DDX5: variants seen among roughly 807,000 people sequenced by gnomAD.
The protein encoded by DDX5 is probable ATP-dependent RNA helicase DDX5.
A neutral mutation model predicts 68.6 loss-of-function variants in DDX5; 6 were observed. That is an observed-to-expected ratio of 0.09 (90% CI 0.05 to 0.17). The LOEUF (loss-of-function observed/expected upper bound fraction) is 0.17. Among genes scored for constraint, DDX5 ranks in the 10% least tolerant of loss-of-function variants. DDX5 has a pLI of 1.00. For missense variants in DDX5, 499 were observed against 756.1 expected (o/e 0.66, Z 3.99); for synonymous variants, 350 against 247.0 (o/e 1.42, Z -3.91).
chr17:64,501,560 C>T (rs1225535206), intron 11 of DDX5: 1 of 168,912 alleles, frequency 5.9e-6, no homozygotes, highest in Non-Finnish European at 1.3e-5. Flanking sequence ...AAGTTTGGAA[C>T]TACTTCTTCG....
rs782568786 is a variant in DDX5 at position 64,506,109 on chromosome 17, T to A, written c.11A>T (p.Tyr4Phe). 1.2e-5 allele frequency: 19 copies of A among 1,522,912 alleles called. No homozygotes were observed. The highest frequency in any genetic ancestry group is 1.6e-5 in the Non-Finnish European group (18 of 1,127,182). 94.3% of individuals were successfully genotyped at this position (1,522,912 alleles called of 1,614,324 possible). MSGYSSDRDRGRDR... is the reference protein window; with the variant it reads MSGFSSDRDRGRDR... ...CCGGCCGCGGTCTCGGTCACTCGAA[T>A]AACCCGACATGGCGTCAATGGTTGC... is the stretch of plus-strand genomic sequence containing the variant. The change falls in exon 1 of 13, where the codon TAT becomes TTT. Residue 4 changes from tyrosine to phenylalanine, a missense_variant. Physicochemically the swap from Tyr to Phe is conservative, Grantham distance 22 (BLOSUM62 3). Around this residue, in one of 5 missense-constraint regions of DDX5, gnomAD observed 140 missense variants for 135.7 expected, o/e 1.03. Transcript: ENST00000225792.
Position 64,500,366 on chromosome 17 carries a change from T to C in DDX5, c.1442-40A>G, listed in dbSNP as rs201436882. On this transcript the variant is annotated intron_variant, in intron 12 of 12. Transcript: ENST00000225792. ...ATTGCAAATTGATCAATTATGTCTA[T>C]GACACAAATCATTGTGGACAGAAAG... 7.0e-6 allele frequency: 11 copies of C among 1,574,426 alleles called. No individual in the cohort carries two copies. The East Asian group carries it at 1.3e-4, about 19-fold the overall frequency.
At chr17:64,501,918 A>C in intron 11 of DDX5, 92 bp downstream of exon 11, 1 of 1,338,252 alleles carries the variant, frequency 7.5e-7, no homozygotes, top group Non-Finnish European at 1.1e-6. Context: ...ACTTAGAAAA[A>C]ATGCAGGTTA....
rs1195092285 is a variant in DDX5 at position 64,504,530 on chromosome 17, CAA to C, written c.210+145_210+146del. 5.5e-6 allele frequency: 6 copies of C among 1,098,128 alleles called. No individual in the cohort carries two copies. In the East Asian group the frequency reaches 7.6e-5, roughly 14 times the overall value. 68.0% of individuals were successfully genotyped at this position (1,098,128 alleles called of 1,614,324 possible). On this transcript the variant is annotated intron_variant, in intron 2 of 12. Coordinates refer to ENST00000225792, the MANE Select transcript of DDX5 (RefSeq NM_004396.5). ...TAAAAATCCCAAAGCCACCTATATC[CAA>C]AAGTGAGTCACACCTTTCCCAATTA...
chr17:64,505,010 A>T, intron 1 of DDX5, 168 bp from the exon 2 acceptor site: 1 of 583,798 alleles, frequency 1.7e-6, no homozygotes, highest in South Asian at 2.7e-5. Context: ...AGCCACAGTT[A>T]ACATTTCCCG....
chr17:64,502,864 G>A (rs2038334669), intron 8 of DDX5, 62 bp downstream of exon 8: 3 of 1,452,224 alleles, frequency 2.1e-6, no homozygotes, highest in Non-Finnish European at 1.8e-6. Flanking sequence ...ACCAAACAAT[G>A]ATCCCTCAAT....
chr17:64,506,290 G>A (rs144137090), upstream of DDX5: 135 of 1,524,774 alleles, frequency 8.9e-5, no homozygotes, highest in African/African-American at 1.3e-3. Flanking sequence ...TGAATGAGGT[G>A]CCGGCCGCTT....
In DDX5 at chr17:64,503,308, G is replaced by A. The variant is rs1365582428; in HGVS notation, c.690C>T (p.Asp230=). The change falls in exon 7 of 13, where the codon GAC becomes GAT. Residue 230 remains aspartate (D), a synonymous_variant. Coordinates refer to ENST00000225792, the MANE Select transcript of DDX5 (RefSeq NM_004396.5). ...ICIATPGRLI[D]FLECGKTNLR... ...GATTGGTTTTTCCACACTCTAAAAAGTCAATCAGTCTTCCAGGTGTTGCAA... is the reference window on the plus strand; with the variant it reads ...GATTGGTTTTTCCACACTCTAAAAAATCAATCAGTCTTCCAGGTGTTGCAA... 1 of 1,614,116 alleles carries A rather than the reference G, an allele frequency of 6.2e-7. No individual in the cohort carries two copies. The highest frequency in any genetic ancestry group is 8.5e-7 in the Non-Finnish European group (1 of 1,180,050).
intron 1 of DDX5, chr17:64,505,630 C>T (rs1368904213): frequency 1.1e-5 from 12 of 1,127,838 alleles, no homozygotes; most frequent in Admixed American, 2.0e-5. Context: ...CGCGACTCAG[C>T]CACATGGCTG....
chr17:64,506,293 G>T (rs574974369), upstream of DDX5: 117 of 1,522,968 alleles, frequency 7.7e-5, no homozygotes, highest in African/African-American at 1.4e-3. Flanking sequence ...ATGAGGTGCC[G>T]GCCGCTTTCC....
At position 64,500,275 on chromosome 17, in the gene DDX5, G is replaced by A; in HGVS notation, c.1493C>T (p.Ser498Phe). 2 of 1,614,104 alleles carry A rather than the reference G, an allele frequency of 1.2e-6. No individual in the cohort carries two copies. Among genetic ancestry groups the A allele is most frequent in the Non-Finnish European group, 1.7e-6 (2 of 1,179,992 alleles). ...GMKDDRRDRY[S>F]AGKRGGFNTF... ...ATTAAATCCACCCCTTTTGCCCGCA[G>A]AGTATCTGTCCCGACGGTCATCCTT... Residue 498 changes from serine (S) to phenylalanine (F), a missense_variant, in exon 13 of 13, where the codon TCT (serine) becomes TTT (phenylalanine). Ser to Phe is a radical substitution (Grantham distance 155). Around this residue, in one of 5 missense-constraint regions of DDX5, gnomAD observed 171 missense variants for 174.8 expected, o/e 0.98. Transcript: ENST00000225792.
rs549580950 is a variant in DDX5, at chr17:64,504,857, A to T, written c.45-15T>A. The T allele has an allele frequency of 2.5e-6, 4 of 1,589,058 alleles. No individual in the cohort carries two copies. Among genetic ancestry groups the T allele is most frequent in the Non-Finnish European group, 3.4e-6 (4 of 1,172,774 alleles). On this transcript the variant is annotated splice_polypyrimidine_tract_variant and intron_variant, in intron 1 of 12. Coordinates refer to ENST00000225792, the MANE Select transcript of DDX5 (RefSeq NM_004396.5). The stretch of plus-strand genomic sequence containing the variant: ...GTGCACCAAACCTGGAATGAAAAAA[A>T]ACGTTATTCACATTTTCAAATGGCT...
Position 64,504,744 on chromosome 17 carries a change from A to G in DDX5, c.143T>C (p.Leu48Pro). ...GEKLVKKKWN[L>P]DELPKFEKNF... ...CTTCTCAAATTTAGGCAGCTCATCA[A>G]GATTCCACTTCTTTTTAACTAATTT... The change falls in exon 2 of 13, where the codon CTT (leucine) becomes CCT (proline). Residue 48 changes from leucine to proline, a missense_variant. Leu to Pro is a moderately conservative substitution (Grantham distance 98, BLOSUM62 -3). Transcript: ENST00000225792. The G allele has an allele frequency of 6.2e-7, 1 of 1,614,180 alleles. No individual in the cohort carries two copies. Among genetic ancestry groups the G allele is most frequent in the Non-Finnish European group, 8.5e-7 (1 of 1,180,022 alleles).
At position 64,499,908 on chromosome 17, in the gene DDX5, T is replaced by TA; in HGVS notation, c.*14dup. 1 of 1,551,920 alleles carries TA rather than the reference T, an allele frequency of 6.4e-7. No individual in the cohort carries two copies. Among genetic ancestry groups the TA allele is most frequent in the Non-Finnish European group, 8.7e-7 (1 of 1,148,476 alleles). On this transcript the variant is annotated 3_prime_UTR_variant, in exon 13 of 13. Transcript: ENST00000225792. The stretch of plus-strand genomic sequence containing the variant: ...CAATTATGAAAAACAGACATTTACA[T>TA]ATACTTCTAAAGTCTTATTGGGAAT...
In DDX5 at chr17:64,499,540, CAAA is replaced by C. The variant is rs2038242678; in HGVS notation, c.*380_*382del. ...GTTTTCATGGAAAAAAAAAACCAAA[CAAA>C]AACAAAAAAAAAACCAGACCATCTT... On this transcript the variant is annotated 3_prime_UTR_variant, in exon 13 of 13. Transcript: ENST00000225792. 4.5e-6 allele frequency: 1 copy of C among 223,902 alleles called. No homozygotes were observed. The highest frequency in any genetic ancestry group is 2.3e-5 in the African/African-American group (1 of 42,966). The allele number at this position is 223,902 out of a possible 1,614,324, so 13.9% of individuals were successfully genotyped here. A position where few individuals can be genotyped will look rare whatever the true frequency, so the allele number is the denominator to read the frequency against.
At position 64,503,036 on chromosome 17, in the gene DDX5, T is replaced by C; in HGVS notation, c.873A>G (p.Glu291=). 1 of 1,614,166 alleles carries C rather than the reference T, an allele frequency of 6.2e-7. No individual in the cohort carries two copies. Among genetic ancestry groups the C allele is most frequent in the Non-Finnish European group, 8.5e-7 (1 of 1,180,012 alleles). The change falls in exon 8 of 13, where the codon GAA becomes GAG. Residue 291 remains glutamate (E), a synonymous_variant. Coordinates refer to ENST00000225792, the MANE Select transcript of DDX5 (RefSeq NM_004396.5). ...TATGAATATAGTCTTTCAGGAAATC[T>C]TCAGCAAGCTGTCTTACTTCTTTTG... The part of the protein sequence containing the change: ...TWPKEVRQLA[E]DFLKDYIHIN...
chr17:64,505,691 C>A (rs1168806369), intron 1 of DDX5: 2 of 1,514,518 alleles, frequency 1.3e-6, no homozygotes, highest in Admixed American at 2.0e-5. Flanking sequence ...GAAGTGGTCC[C>A]CTCGCTCCCA....
In DDX5 at chr17:64,498,767, G is replaced by C. The variant is rs563249220; in HGVS notation, c.*1156C>G. On this transcript the variant is annotated 3_prime_UTR_variant, in exon 13 of 13. Coordinates refer to ENST00000225792, the MANE Select transcript of DDX5 (RefSeq NM_004396.5). Reference sequence around the variant, plus strand: ...ACTTCTAGCTATTACTGAAATAAATGATTAGAAAGTTACGTTGGTGAGCCG... The same window carrying C: ...ACTTCTAGCTATTACTGAAATAAATCATTAGAAAGTTACGTTGGTGAGCCG... Among the ~76,000 whole-genome samples the C allele has an allele frequency of 3.9e-5, 6 of 152,290 alleles. 1 individual carries two copies. In the East Asian group the frequency reaches 1.2e-3, roughly 29 times the overall value.
At chr17:64,506,373 A>C (rs2038524392), upstream of DDX5, 8 of 1,405,046 alleles carry the variant, frequency 5.7e-6, no homozygotes, top group East Asian at 5.3e-5. Context: ...CTATGACCTA[A>C]TCGCCCCGCC....
Sources: allele counts gnomAD v4.1 joint callset (sites outside exome capture counted in the v4.1 genomes callset), GRCh38; gene constraint gnomAD v4.1.1; regional missense constraint gnomAD v4.1.1; transcripts MANE v1.5; gene names NCBI Gene and HGNC (gene_info 2026-07-23, HGNC 2026-07-21).